The following COL20A1 variants were observed in gnomAD, a reference collection of about 807,000 sequenced individuals.
The protein encoded by COL20A1 is collagen alpha-1(XX) chain.
A neutral mutation model predicts 152.9 loss-of-function variants in COL20A1; 164 were observed. The observed-to-expected ratio is 1.07, with a 90% CI of 0.94 to 1.22. COL20A1 has a LOEUF of 1.22. Among genes scored for constraint, COL20A1 ranks in the 50% most tolerant of loss-of-function variants. COL20A1 has a pLI of 0.00. For missense variants in COL20A1, 1,873 were observed against 1,744.8 expected (o/e 1.07, Z -1.31); for synonymous variants, 864 against 756.0 (o/e 1.14, Z -2.34).
chr20:63,329,912 GATGGATT>G (rs1178623738), intron 35 of COL20A1, among the ~76,000 whole-genome samples: 2 of 152,326 alleles, frequency 1.3e-5, no homozygotes, highest in East Asian at 3.9e-4. Flanking sequence ...GGGTTCCGGA[GATGGATT>G]GGCGTGCTGG....
At chr20:63,322,563 C>T (rs1489083846) in intron 27 of COL20A1, among the ~76,000 whole-genome samples, 2 of 152,148 alleles carry the variant, frequency 1.3e-5, no homozygotes, top group African/African-American at 4.8e-5. Context: ...AGCGCATGCG[C>T]GGCGTGCAGG....
In COL20A1 at chr20:63,307,561, A is replaced by G. The variant is rs757518871; in HGVS notation, c.568A>G (p.Ile190Val). ...MVFLVDGSWS[I>V]GHSHFQQVKD... ...CTTCCTGGTGGACGGGTCCTGGAGC[A>G]TTGGCCACAGTCACTTCCAGCAGGT... is the stretch of plus-strand genomic sequence containing the variant. Residue 190 changes from isoleucine to valine, a missense_variant, in exon 6 of 36, where the codon ATT becomes GTT. Physicochemically the swap from Ile to Val is conservative, Grantham distance 29. Transcript: ENST00000358894. The G allele has an allele frequency of 1.2e-6, 2 of 1,612,614 alleles. No individual in the cohort carries two copies. Among genetic ancestry groups the G allele is most frequent in the African/African-American group, 2.7e-5 (2 of 75,020 alleles).
At chr20:63,296,001 C>G (rs2067789339) in intron 2 of COL20A1, among the ~76,000 whole-genome samples, 1 of 152,250 alleles carries the variant, frequency 6.6e-6, no homozygotes, top group Admixed American at 6.5e-5. Flanking sequence ...GTTTAAAGCA[C>G]CCCCACCAGG....
In COL20A1 at chr20:63,309,391, C is replaced by G; in HGVS notation, c.999C>G (p.Ile333Met). 6.4e-7 allele frequency: 1 copy of G among 1,555,920 alleles called. No individual in the cohort carries two copies. Among genetic ancestry groups the G allele is most frequent in the African/African-American group, 1.4e-5 (1 of 73,512 alleles). ...LRLLASPPRD[I>M]TVHSVLDFLQ... The stretch of plus-strand genomic sequence containing the variant: ...TCCTGGCGTCCCCGCCGAGGGACAT[C>G]ACCGTCCACAGCGTGCTGGACTTCC... Residue 333 changes from isoleucine (I) to methionine (M), a missense_variant, in exon 9 of 36, where the codon ATC (isoleucine) becomes ATG (methionine). Coordinates refer to ENST00000358894, the MANE Select transcript of COL20A1 (RefSeq NM_020882.4).
chr20:63,320,258 C>A, intron 24 of COL20A1, 33 bp from the exon 25 acceptor site: 1 of 1,606,368 alleles, frequency 6.2e-7, no homozygotes, highest in South Asian at 1.1e-5. Context: ...CCTCTCTGAG[C>A]CCCGGGGCTG....
Position 63,325,360 on chromosome 20 carries a change from C to T in COL20A1, c.3295-81C>T, listed in dbSNP as rs1259943618. 15 of 1,070,994 alleles carry T rather than the reference C, an allele frequency of 1.4e-5. No homozygotes were observed. The South Asian group carries it at 1.9e-4, about 14-fold the overall frequency. 66.3% of individuals were successfully genotyped at this position (1,070,994 alleles called of 1,614,324 possible). A position where few individuals can be genotyped will look rare whatever the true frequency, so the allele number is the denominator to read the frequency against. ...ACCCAGGGCCGTGCAGTCCAGGGGCCTGTGGTAGGTGTCACTCCTTCCCTG... is the reference window on the plus strand; with the variant it reads ...ACCCAGGGCCGTGCAGTCCAGGGGCTTGTGGTAGGTGTCACTCCTTCCCTG... On this transcript the variant is annotated intron_variant, in intron 27 of 35. Coordinates refer to ENST00000358894, the MANE Select transcript of COL20A1 (RefSeq NM_020882.4).
chr20:63,313,070 G>T lies in COL20A1; in HGVS notation c.2077-47G>T. The T allele has an allele frequency of 6.3e-7, 1 of 1,580,400 alleles. No individual in the cohort carries two copies. ...GCCTCACTGCCCGGCCCCCCAACCT[G>T]AGGACCCCACTGCACCCGGTGACCC... On this transcript the variant is annotated intron_variant, in intron 16 of 35. Coordinates refer to ENST00000358894, the MANE Select transcript of COL20A1 (RefSeq NM_020882.4). This position sits in a 1 kb window ranked among gnomAD's most constrained non-coding sequence, Gnocchi z 5.9.
rs1260531447 is a variant in COL20A1 at position 63,330,710 on chromosome 20, C to T, written c.*4-10C>T. On this transcript the variant is annotated splice_polypyrimidine_tract_variant and intron_variant, in intron 35 of 35. Coordinates refer to ENST00000358894, the MANE Select transcript of COL20A1 (RefSeq NM_020882.4). ...GCCTCTCACATCTGTCCTCCCTTCT[C>T]TCCTGCCAGGACATTTTCTGCACTG... 1 of 152,304 alleles carries T rather than the reference C, an allele frequency of 6.6e-6. No individual in the cohort carries two copies. Among genetic ancestry groups the T allele is most frequent in the East Asian group, 1.9e-4 (1 of 5,188 alleles). 9.4% of individuals were successfully genotyped at this position (152,304 alleles called of 1,614,324 possible). A position where few individuals can be genotyped will look rare whatever the true frequency, so the allele number is the denominator to read the frequency against.
Position 63,305,867 on chromosome 20 carries a change from G to A in COL20A1, c.338-14G>A. 1.9e-6 allele frequency: 3 copies of A among 1,612,794 alleles called. No individual in the cohort carries two copies. The highest frequency in any genetic ancestry group is 1.7e-6 in the Non-Finnish European group (2 of 1,179,668). On this transcript the variant is annotated splice_polypyrimidine_tract_variant and intron_variant, in intron 4 of 35. Transcript: ENST00000358894. This position sits in a 1 kb window ranked among gnomAD's most constrained non-coding sequence, Gnocchi z 4.9. ...TCCACTCCCACCCTGATGGCTCTTT[G>A]TGTCTCCCTGCAGTTGAGGATCTGA...
rs2068327941 is a variant in COL20A1 at position 63,331,068 on chromosome 20, G to C, written c.*352G>C. The C allele has an allele frequency of 6.6e-6, 1 of 152,480 alleles. No homozygotes were observed. Among genetic ancestry groups the C allele is most frequent in the African/African-American group, 2.4e-5 (1 of 41,478 alleles). 9.4% of individuals were successfully genotyped at this position (152,480 alleles called of 1,614,324 possible). A position where few individuals can be genotyped will look rare whatever the true frequency, so the allele number is the denominator to read the frequency against. The stretch of plus-strand genomic sequence containing the variant: ...GGCTGATGGCGAATCGGGTTCAGGA[G>C]GGCAGCAGTGCCCTGTGGCCGTCTC... On this transcript the variant is annotated 3_prime_UTR_variant, in exon 36 of 36. Coordinates refer to ENST00000358894, the MANE Select transcript of COL20A1 (RefSeq NM_020882.4).
Position 63,318,563 on chromosome 20 carries a change from C to T in COL20A1, c.2664-495C>T, listed in dbSNP as rs535026592. Among the ~76,000 whole-genome samples the T allele has an allele frequency of 1.3e-3, 205 of 152,230 alleles. 3 individuals carry two copies. The highest frequency in any genetic ancestry group is 4.5e-3 in the African/African-American group (187 of 41,536). On this transcript the variant is annotated intron_variant, in intron 21 of 35. Coordinates refer to ENST00000358894, the MANE Select transcript of COL20A1 (RefSeq NM_020882.4). Reference sequence around the variant, plus strand: ...GAGTGTGAGTCGGGGGAGCTGCTCCCGAGAGCAGAGCTGCCTTTCAGTAGT... The same window carrying T: ...GAGTGTGAGTCGGGGGAGCTGCTCCTGAGAGCAGAGCTGCCTTTCAGTAGT...
Position 63,332,264 on chromosome 20 carries a change from T to C in COL20A1, c.*1548T>C, listed in dbSNP as rs1474591352. The C allele has an allele frequency of 6.6e-6, 1 of 152,338 alleles. No homozygotes were observed. The highest frequency in any genetic ancestry group is 1.5e-5 in the Non-Finnish European group (1 of 68,136). 9.4% of individuals were successfully genotyped at this position (152,338 alleles called of 1,614,324 possible). A position where few individuals can be genotyped will look rare whatever the true frequency, so the allele number is the denominator to read the frequency against. On this transcript the variant is annotated 3_prime_UTR_variant, in exon 36 of 36. Transcript: ENST00000358894. ...CCTTCAGTGCAGGTATCAGACACAG[T>C]TGTTGAGAGCAGCAGCCCAAGCCAG... is the stretch of plus-strand genomic sequence containing the variant.
Position 63,311,766 on chromosome 20 carries a change from G to T in COL20A1, c.1663+18G>T. The T allele has an allele frequency of 6.3e-7, 1 of 1,582,130 alleles. No homozygotes were observed. The highest frequency in any genetic ancestry group is 8.5e-7 in the Non-Finnish European group (1 of 1,170,438). ...CAGGACCCGTGAGTGCTCCAACCCC[G>T]GCTGCCTGCCCACAGGCGGGTGCCC... On this transcript the variant is annotated intron_variant, in intron 13 of 35. Coordinates refer to ENST00000358894, the MANE Select transcript of COL20A1 (RefSeq NM_020882.4). This position sits in a 1 kb window ranked among gnomAD's most constrained non-coding sequence, Gnocchi z 4.4.
chr20:63,325,806 G>A, intron 29 of COL20A1, 85 bp downstream of exon 29: 2 of 1,247,920 alleles, frequency 1.6e-6, no homozygotes, highest in Admixed American at 1.9e-5. Context: ...AGGCTGTGGG[G>A]TAGGGAGGGG....
intron 3 of COL20A1, among the ~76,000 whole-genome samples, chr20:63,302,076 C>T (rs1026731173): frequency 6.6e-6 from 1 of 152,170 alleles, no homozygotes; most frequent in Admixed American, 6.5e-5. Flanking sequence ...ATGCAGCTTT[C>T]AGCAATTATC....
intron 21 of COL20A1, among the ~76,000 whole-genome samples, chr20:63,317,197 G>C (rs6089879): frequency 6.6e-6 from 1 of 152,116 alleles, no homozygotes; most frequent in Non-Finnish European, 1.5e-5. Flanking sequence ...TGATAAAGGC[G>C]GAAGCCAGGT....
chr20:63,309,549 C>T, intron 9 of COL20A1, 52 bp downstream of exon 9: 1 of 1,435,306 alleles, frequency 7.0e-7, no homozygotes. Context: ...CTGCTTTGGG[C>T]AAAGGGTTGG....
chr20:63,329,233 C>T, intron 34 of COL20A1: 1 of 249,582 alleles, frequency 4.0e-6, no homozygotes, highest in Non-Finnish European at 7.7e-6. Context: ...TTGGAAGCTG[C>T]CCACAGTGGC....
In COL20A1 at chr20:63,313,758, G is replaced by C. The variant is rs1568777746; in HGVS notation, c.2225G>C (p.Ser742Thr). Residue 742 changes from serine to threonine, a missense_variant, in exon 18 of 36, where the codon AGC becomes ACC. Ser to Thr is a moderately conservative substitution (Grantham distance 58). Transcript: ENST00000358894. This position sits in a 1 kb window ranked among gnomAD's most constrained non-coding sequence, Gnocchi z 5.9. Reference sequence around the variant, plus strand: ...TCTCGGCCAGCCACGGTGAGCAGGAGCCCACCCTCCAACCTGGCCCTGGCC... The same window carrying C: ...TCTCGGCCAGCCACGGTGAGCAGGACCCCACCCTCCAACCTGGCCCTGGCC... ...LRYTPSTVSR[S>T]PPSNLALASE... The C allele has an allele frequency of 6.3e-7, 1 of 1,598,920 alleles. No individual in the cohort carries two copies. The highest frequency in any genetic ancestry group is 8.5e-7 in the Non-Finnish European group (1 of 1,173,688).
Sources: gnomAD v4.1 joint callset for allele counts (sites outside exome capture counted in the v4.1 genomes callset) on GRCh38, gnomAD v4.1.1 for gene constraint, Gnocchi (gnomAD v3.1) non-coding constraint, MANE v1.5 for transcripts, NCBI Gene and HGNC (gene_info 2026-07-23, HGNC 2026-07-21) for gene names.